ARHGAP15: variants seen among roughly 807,000 people sequenced by gnomAD.
ARHGAP15 encodes the protein Rho GTPase activating protein 15.
ARHGAP15 carries 51 observed loss-of-function variants against 63.7 expected under a neutral mutation model. That is an observed-to-expected ratio of 0.80 (90% confidence interval 0.64 to 1.01). ARHGAP15 has a LOEUF of 1.01. Ranked by LOEUF, ARHGAP15 falls within the 50% of genes least tolerant of loss-of-function variation. The pLI is 0.00. For missense variants in ARHGAP15, 560 were observed against 564.6 expected (o/e 0.99, Z 0.08); for synonymous variants, 191 against 193.8 (o/e 0.99, Z 0.12).
chr2:143,448,544 G>A (rs1231154963), intron 8 of ARHGAP15, among the ~76,000 whole-genome samples: 1 of 152,014 alleles, frequency 6.6e-6, no homozygotes, highest in Non-Finnish European at 1.5e-5. Context: ...AATAGGTGAA[G>A]AAGAAAGATT....
chr2:143,236,073 A>G (rs1693631335), intron 5 of ARHGAP15: 2 of 1,391,258 alleles, frequency 1.4e-6, no homozygotes, highest in African/African-American at 1.5e-5. Flanking sequence ...AATTTAGAAC[A>G]TCCATTCATT....
At chr2:143,443,374 GTTA>G (rs1340534484) in intron 8 of ARHGAP15, among the ~76,000 whole-genome samples, 9 of 151,722 alleles carry the variant, frequency 5.9e-5, no homozygotes, top group African/African-American at 2.2e-4. Flanking sequence ...AATATCATGG[GTTA>G]TTATATTATC....
At chr2:143,329,418 G>T (rs192191327) in intron 6 of ARHGAP15, among the ~76,000 whole-genome samples, 5 of 152,286 alleles carry the variant, frequency 3.3e-5, no homozygotes, top group Admixed American at 3.3e-4. Flanking sequence ...ATGGAGAGGG[G>T]TGGCCTCTGG....
At chr2:143,326,310 C>T (rs1558894799) in intron 6 of ARHGAP15, among the ~76,000 whole-genome samples, 1 of 152,142 alleles carries the variant, frequency 6.6e-6, no homozygotes, top group Admixed American at 6.5e-5. Flanking sequence ...CTGAGCAACA[C>T]TTATGAAGTA....
intron 1 of ARHGAP15, among the ~76,000 whole-genome samples, chr2:143,150,091 A>C (rs760363597): frequency 6.6e-6 from 1 of 151,960 alleles, no homozygotes; most frequent in Non-Finnish European, 1.5e-5. Context: ...TTCTGAACAG[A>C]ATGTGACACC....
chr2:143,744,203 G>A (rs752010577), intron 13 of ARHGAP15, among the ~76,000 whole-genome samples: 3 of 152,222 alleles, frequency 2.0e-5, no homozygotes, highest in Non-Finnish European at 4.4e-5. Context: ...CAACACATGG[G>A]TGGCAAGGAA....
intron 11 of ARHGAP15, among the ~76,000 whole-genome samples, chr2:143,604,894 T>G (rs1303147846): frequency 6.6e-6 from 1 of 150,942 alleles, no homozygotes; most frequent in Non-Finnish European, 1.5e-5. Flanking sequence ...AGGGTTTTTT[T>G]GTTTTGTTTT....
At chr2:143,672,679 C>T (rs1682586487) in intron 12 of ARHGAP15, among the ~76,000 whole-genome samples, 1 of 152,146 alleles carries the variant, frequency 6.6e-6, no homozygotes, top group South Asian at 2.1e-4. Context: ...CCTCCACTTG[C>T]CTTGGAACCT....
intron 10 of ARHGAP15, among the ~76,000 whole-genome samples, chr2:143,530,499 C>T (rs1694476064): frequency 6.6e-6 from 1 of 152,130 alleles, no homozygotes. Context: ...TTGAGACCGA[C>T]CAGTGTCATA....
intron 6 of ARHGAP15, 35 bp from the exon 7 acceptor site, chr2:143,435,566 C>T: frequency 1.3e-6 from 2 of 1,505,932 alleles, no homozygotes; most frequent in Non-Finnish European, 1.7e-6. Flanking sequence ...GTTTCTTTAC[C>T]TGTCTATTTC....
At chr2:143,578,864 G>A (rs1328997516) in intron 11 of ARHGAP15, among the ~76,000 whole-genome samples, 1 of 152,014 alleles carries the variant, frequency 6.6e-6, no homozygotes, top group African/African-American at 2.4e-5. Flanking sequence ...AATATGATAG[G>A]CATTTAATTG....
chr2:143,320,413 C>T (rs1303657014), intron 6 of ARHGAP15, among the ~76,000 whole-genome samples: 9 of 83,640 alleles, frequency 1.1e-4, no homozygotes, highest in South Asian at 7.1e-4. Flanking sequence ...TCCCCACCCC[C>T]CCCCCCCCCA....
intron 6 of ARHGAP15, among the ~76,000 whole-genome samples, chr2:143,358,049 C>T (rs932484868): frequency 3.9e-5 from 6 of 152,150 alleles, no homozygotes; most frequent in African/African-American, 1.4e-4. Context: ...TAGACCTAAT[C>T]ATCTGACTGA....
At chr2:143,387,467 C>G (rs1315990867) in intron 6 of ARHGAP15, among the ~76,000 whole-genome samples, 1 of 151,890 alleles carries the variant, frequency 6.6e-6, no homozygotes, top group East Asian at 1.9e-4. Flanking sequence ...ATATAAATAC[C>G]AATTATTGAG....
intron 6 of ARHGAP15, among the ~76,000 whole-genome samples, chr2:143,253,124 T>C (rs1680239646): frequency 6.6e-6 from 1 of 151,990 alleles, no homozygotes; most frequent in Non-Finnish European, 1.5e-5. Context: ...AGATTACAGA[T>C]AGCAAATGAC....
At chr2:143,312,505 G>A (rs1683496254) in intron 6 of ARHGAP15, among the ~76,000 whole-genome samples, 1 of 151,980 alleles carries the variant, frequency 6.6e-6, no homozygotes, top group South Asian at 2.1e-4. Context: ...GTTCAAAAAT[G>A]TAGAAGTTAT....
At chr2:143,405,599 C>T (rs1261981776) in intron 6 of ARHGAP15, among the ~76,000 whole-genome samples, 1 of 151,852 alleles carries the variant, frequency 6.6e-6, no homozygotes, top group Non-Finnish European at 1.5e-5. Flanking sequence ...GAGTGTCCCT[C>T]ATTTTATATA....
chr2:143,336,738 T>C (rs1187936398), intron 6 of ARHGAP15, among the ~76,000 whole-genome samples: 1 of 152,232 alleles, frequency 6.6e-6, no homozygotes, highest in Non-Finnish European at 1.5e-5. Context: ...AAATCATTCT[T>C]AATAGTGAGA....
chr2:143,292,959 T>A (rs763017151), intron 6 of ARHGAP15, among the ~76,000 whole-genome samples: 2 of 152,070 alleles, frequency 1.3e-5, no homozygotes, highest in Non-Finnish European at 2.9e-5. Context: ...AATTACTGAT[T>A]GTAATCAGTT....
Sources: gnomAD v4.1 joint callset for allele counts (sites outside exome capture counted in the v4.1 genomes callset) on GRCh38, gnomAD v4.1.1 for gene constraint, MANE v1.5 for transcripts, NCBI Gene and HGNC (gene_info 2026-07-23, HGNC 2026-07-21) for gene names.